Variants in DENND1A observed in about 807,000 individuals in gnomAD.
DENND1A encodes DENN domain containing 1A.
In DENND1A, 51 loss-of-function variants were observed where a neutral mutation model predicts 113.7. The observed-to-expected ratio is 0.45, with a 90% CI of 0.36 to 0.57. DENND1A has a LOEUF of 0.57. Among genes scored for constraint, DENND1A ranks in the 20% least tolerant of loss-of-function variants. DENND1A has a pLI of 0.00. For synonymous variants in DENND1A, 565 were observed against 570.8 expected, an observed-to-expected ratio of 0.99 and a Z score of 0.14; for missense variants, 1,258 against 1,395.9, an observed-to-expected ratio of 0.90 and a Z score of 1.57.
At chr9:123,383,066 C>T (rs572471689) in intron 23 of DENND1A, among the ~76,000 whole-genome samples, 10 of 152,322 alleles carry the variant, frequency 6.6e-5, no homozygotes, top group African/African-American at 1.9e-4. Context: ...CCACACGGCC[C>T]GGGTGCCAGT....
chr9:123,540,289 C>T (rs1395504274), intron 13 of DENND1A, among the ~76,000 whole-genome samples: 2 of 152,206 alleles, frequency 1.3e-5, no homozygotes, highest in Non-Finnish European at 2.9e-5. Context: ...TCCCATTTTA[C>T]AGATGACAAA....
intron 13 of DENND1A, among the ~76,000 whole-genome samples, chr9:123,534,356 G>A (rs2055560627): frequency 6.6e-6 from 1 of 152,166 alleles, no homozygotes; most frequent in Non-Finnish European, 1.5e-5. Context: ...ATGCTTCTAA[G>A]ATACATTCAT....
chr9:123,508,206 T>C (rs1350194760), intron 13 of DENND1A, among the ~76,000 whole-genome samples: 2 of 152,218 alleles, frequency 1.3e-5, no homozygotes, highest in African/African-American at 4.8e-5. Context: ...GCAAAAGTTT[T>C]GGCAAAAAGC....
chr9:123,819,704 A>G (rs1210899044), intron 2 of DENND1A, among the ~76,000 whole-genome samples: 1 of 151,904 alleles, frequency 6.6e-6, no homozygotes, highest in Non-Finnish European at 1.5e-5. Flanking sequence ...TGACTGGCTA[A>G]GTTTTGTATT....
At chr9:123,720,283 G>A (rs2067246585) in intron 5 of DENND1A, among the ~76,000 whole-genome samples, 1 of 152,180 alleles carries the variant, frequency 6.6e-6, no homozygotes. Context: ...GCGGGAGTGA[G>A]GGATGACAGA....
At chr9:123,884,997 G>GCGCGCA (rs370719014) in intron 1 of DENND1A, among the ~76,000 whole-genome samples, 4 of 145,836 alleles carry the variant, frequency 2.7e-5, no homozygotes, top group African/African-American at 5.0e-5. Context: ...GAGCGCGCGC[G>GCGCGCA]CACACACACA....
At chr9:123,568,724 T>C (rs1414890223) in intron 12 of DENND1A, among the ~76,000 whole-genome samples, 1 of 152,062 alleles carries the variant, frequency 6.6e-6, no homozygotes, top group Non-Finnish European at 1.5e-5. Context: ...GGATTCATGG[T>C]GGATCACATG....
intron 1 of DENND1A, among the ~76,000 whole-genome samples, chr9:123,919,082 C>T (rs1043637191): frequency 2.6e-5 from 4 of 152,128 alleles, no homozygotes; most frequent in South Asian, 2.1e-4. Flanking sequence ...CAACCAATTG[C>T]AATGTATGAA....
At chr9:123,710,560 C>CACACACACACACACACACACACACAT (rs60092060) in intron 5 of DENND1A, among the ~76,000 whole-genome samples, 5,391 of 148,804 alleles carry the variant, frequency 0.036, 295 homozygotes, top group Admixed American at 0.065. Context: ...CACACACACA[C>CACACACACACACACACACACACACAT]TGGCATCATA....
At chr9:123,397,415 A>G (rs1007023896) in intron 21 of DENND1A, among the ~76,000 whole-genome samples, 1 of 152,218 alleles carries the variant, frequency 6.6e-6, no homozygotes, top group Non-Finnish European at 1.5e-5. Flanking sequence ...TTGGCCTCCC[A>G]AAGTACTGGG....
chr9:123,589,647 GAAAAAAAAAAAA>G lies in DENND1A; in HGVS notation c.766-6389_766-6378del, dbSNP rs58211177. The stretch of plus-strand genomic sequence containing the variant: ...GACTCTATAGGCTTTTTCTCAGAAT[GAAAAAAAAAAAA>G]AAAAAAAAAAAAAACTGACATGCAC... On this transcript the variant is annotated intron_variant, in intron 11 of 23. Coordinates refer to ENST00000394215, the MANE Select transcript of DENND1A (RefSeq NM_001352964.2). Among the ~76,000 whole-genome samples the G allele has an allele frequency of 3.1e-4, 11 of 35,432 alleles. No homozygotes were observed. In the Admixed American group the frequency reaches 3.3e-3, roughly 10 times the overall value. 23.2% of individuals were successfully genotyped at this position (35,432 alleles called of 152,430 possible). A position where few individuals can be genotyped will look rare whatever the true frequency, so the allele number is the denominator to read the frequency against.
chr9:123,417,705 C>T (rs74871330), intron 19 of DENND1A, among the ~76,000 whole-genome samples: 2,848 of 152,324 alleles, frequency 0.019, 78 homozygotes, highest in African/African-American at 0.065. Flanking sequence ...GTCACCTTCT[C>T]CTTCTTTCCT....
At chr9:123,457,270 G>A (rs1215809371) in intron 15 of DENND1A, 78 bp downstream of exon 15, 15 of 1,114,630 alleles carry the variant, frequency 1.3e-5, no homozygotes, top group Non-Finnish European at 1.8e-5. Flanking sequence ...GGAAAAGCAA[G>A]TCACTGCCAC....
intron 20 of DENND1A, among the ~76,000 whole-genome samples, chr9:123,406,471 T>C (rs1450694751): frequency 6.6e-6 from 1 of 152,216 alleles, no homozygotes; most frequent in African/African-American, 2.4e-5. Flanking sequence ...AATTAGAAGA[T>C]GAGTTTTAGG....
At chr9:123,856,139 C>T (rs1277919857) in intron 2 of DENND1A, among the ~76,000 whole-genome samples, 1 of 152,156 alleles carries the variant, frequency 6.6e-6, no homozygotes, top group Admixed American at 6.5e-5. Context: ...GAGAAAAAAA[C>T]ATAGGAAAAG....
chr9:123,602,056 G>A (rs182191356), intron 11 of DENND1A, among the ~76,000 whole-genome samples: 1 of 152,324 alleles, frequency 6.6e-6, no homozygotes, highest in Admixed American at 6.5e-5. Context: ...TAAACCCCTT[G>A]CAGCTGAAGG....
intron 9 of DENND1A, among the ~76,000 whole-genome samples, chr9:123,639,079 A>G (rs1564864066): frequency 1.2e-4 from 18 of 148,948 alleles, no homozygotes; most frequent in South Asian, 2.1e-4. Context: ...AAGAAAGAAA[A>G]AAAAAGAAAA....
chr9:123,808,461 G>C (rs527965344), intron 2 of DENND1A, among the ~76,000 whole-genome samples: 1 of 150,830 alleles, frequency 6.6e-6, no homozygotes, highest in African/African-American at 2.4e-5. Context: ...GTTCACTGCA[G>C]CCTCAAACTC....
chr9:123,827,247 C>G (rs745747736), intron 2 of DENND1A, among the ~76,000 whole-genome samples: 11 of 151,962 alleles, frequency 7.2e-5, no homozygotes, highest in Non-Finnish European at 1.5e-4. Flanking sequence ...ACTTATAGTT[C>G]CTGTATACCT....
Sources: gnomAD v4.1 joint callset for allele counts (sites outside exome capture counted in the v4.1 genomes callset) on GRCh38, gnomAD v4.1.1 for gene constraint, MANE v1.5 for transcripts, NCBI Gene and HGNC (gene_info 2026-07-23, HGNC 2026-07-21) for gene names.